The following CSMD1 variants were observed in gnomAD, a reference collection of about 807,000 sequenced individuals.
The protein encoded by CSMD1 is CUB and Sushi multiple domains 1, also known as CUB and sushi domain-containing protein 1.
A neutral mutation model predicts 417.5 loss-of-function variants in CSMD1; 213 were observed. The observed-to-expected ratio is 0.51, with a 90% confidence interval of 0.46 to 0.57. The LOEUF (loss-of-function observed/expected upper bound fraction) is 0.57. CSMD1 is among the 20% of genes least tolerant of loss of function. The probability of loss-of-function intolerance (pLI) is 0.00; values close to 1 mark genes in which losing one functional copy is unlikely to be tolerated. For missense variants in CSMD1, 6,923 were observed against 4,529.7 expected (o/e 1.53, Z -15.17); for synonymous variants, 2,862 against 1,736.8 (o/e 1.65, Z -16.11).
At chr8:3,610,326 A>T (rs1801829268) in intron 8 of CSMD1, among the ~76,000 whole-genome samples, 1 of 152,154 alleles carries the variant, frequency 6.6e-6, no homozygotes, top group African/African-American at 2.4e-5. Flanking sequence ...TGAGGCCAGG[A>T]GTTAGAAACC....
chr8:4,146,333 G>A (rs939684946), intron 3 of CSMD1, among the ~76,000 whole-genome samples: 1 of 150,776 alleles, frequency 6.6e-6, no homozygotes, highest in African/African-American at 2.5e-5. Context: ...TCCAAAGCAG[G>A]TGGATTCATT....
At chr8:4,766,547 A>G (rs764909684) in intron 1 of CSMD1, among the ~76,000 whole-genome samples, 3 of 152,232 alleles carry the variant, frequency 2.0e-5, no homozygotes, top group Non-Finnish European at 4.4e-5. Flanking sequence ...AGGATAATTG[A>G]GAAATATGCT....
chr8:3,659,595 G>A (rs1486870346), intron 7 of CSMD1, among the ~76,000 whole-genome samples: 1 of 152,062 alleles, frequency 6.6e-6, no homozygotes, highest in Non-Finnish European at 1.5e-5. Context: ...ACTGTGAATT[G>A]GTCCCTTTGG....
intron 3 of CSMD1, among the ~76,000 whole-genome samples, chr8:4,255,761 T>C (rs145265736): frequency 5.9e-5 from 9 of 152,320 alleles, no homozygotes; most frequent in East Asian, 1.9e-4. Context: ...AGTTCTAAAA[T>C]TAATATATGT....
intron 3 of CSMD1, among the ~76,000 whole-genome samples, chr8:4,095,759 C>A (rs879903878): frequency 6.6e-6 from 1 of 152,096 alleles, no homozygotes; most frequent in Non-Finnish European, 1.5e-5. Context: ...TCTACATAGT[C>A]CTATTACGTG....
intron 12 of CSMD1, among the ~76,000 whole-genome samples, chr8:3,451,103 T>C (rs1268850107): frequency 6.6e-6 from 1 of 152,240 alleles, no homozygotes; most frequent in Non-Finnish European, 1.5e-5. Flanking sequence ...TTTGGCTGCA[T>C]AAATGTCTTC....
chr8:4,342,316 T>C (rs575367244), intron 3 of CSMD1, among the ~76,000 whole-genome samples: 1 of 152,200 alleles, frequency 6.6e-6, no homozygotes, highest in South Asian at 2.1e-4. Flanking sequence ...GTGCAATGTA[T>C]GTAAAACATA....
intron 2 of CSMD1, among the ~76,000 whole-genome samples, chr8:4,524,707 C>G (rs1258869828): frequency 6.6e-6 from 1 of 151,084 alleles, no homozygotes; most frequent in African/African-American, 2.4e-5. Flanking sequence ...GTTTTTAAAA[C>G]CAAATCTGAT....
At chr8:4,278,680 T>C (rs928316635) in intron 3 of CSMD1, among the ~76,000 whole-genome samples, 1 of 152,192 alleles carries the variant, frequency 6.6e-6, no homozygotes, top group South Asian at 2.1e-4. Context: ...CCGAACAGTC[T>C]ATAGCCACTT....
intron 20 of CSMD1, 26 bp downstream of exon 20, chr8:3,367,006 A>G (rs1399990812): frequency 2.6e-6 from 4 of 1,563,520 alleles, no homozygotes; most frequent in Non-Finnish European, 3.5e-6. Context: ...GCCAGAGGAG[A>G]GAAACAGCAA....
chr8:3,323,831 T>C (rs1806314478), intron 23 of CSMD1, among the ~76,000 whole-genome samples: 1 of 149,584 alleles, frequency 6.7e-6, no homozygotes, highest in Non-Finnish European at 1.5e-5. Flanking sequence ...ACCCCACCAT[T>C]CATCATTGTT....
At chr8:4,248,065 A>T (rs1387848114) in intron 3 of CSMD1, among the ~76,000 whole-genome samples, 1 of 152,170 alleles carries the variant, frequency 6.6e-6, no homozygotes, top group East Asian at 1.9e-4. Context: ...ATGAATGGAA[A>T]TTGTTAAGGA....
At chr8:4,731,842 G>A (rs1414537743) in intron 1 of CSMD1, among the ~76,000 whole-genome samples, 2 of 152,088 alleles carry the variant, frequency 1.3e-5, no homozygotes, top group Non-Finnish European at 2.9e-5. Context: ...TGTGTATATT[G>A]TCTTCTCACA....
chr8:4,636,687 G>C (rs1585370130), intron 2 of CSMD1, among the ~76,000 whole-genome samples: 2 of 152,314 alleles, frequency 1.3e-5, no homozygotes, highest in East Asian at 3.9e-4. Flanking sequence ...CAAAGTCAGT[G>C]ATAACTTTCA....
chr8:3,097,451 T>C (rs147787897), intron 46 of CSMD1, among the ~76,000 whole-genome samples: 116 of 128,026 alleles, frequency 9.1e-4, no homozygotes, highest in African/African-American at 2.5e-3. Context: ...GCTTTAAATA[T>C]ACAGTAGGCC....
At chr8:4,400,294 A>C (rs984304204) in intron 3 of CSMD1, among the ~76,000 whole-genome samples, 2 of 152,200 alleles carry the variant, frequency 1.3e-5, no homozygotes, top group Non-Finnish European at 2.9e-5. Flanking sequence ...ATACTAGCAA[A>C]TGGGATTTCG....
intron 3 of CSMD1, among the ~76,000 whole-genome samples, chr8:4,228,547 C>G (rs1013232344): frequency 6.7e-6 from 1 of 150,226 alleles, no homozygotes; most frequent in East Asian, 2.0e-4. Flanking sequence ...AACCCACTGG[C>G]TGTACTTTTA....
chr8:2,936,181 T>C lies in CSMD1; in HGVS notation c.*2404A>G, dbSNP rs1289188437. 3 of 152,024 alleles carry C rather than the reference T, an allele frequency of 2.0e-5. No homozygotes were observed. The highest frequency in any genetic ancestry group is 4.8e-5 in the African/African-American group (2 of 41,344). 9.4% of individuals were successfully genotyped at this position (152,024 alleles called of 1,614,324 possible). ...TGGCAACCCTAGGACAGTTTGACTT[T>C]GCACACAAAGGAAAATCATATCTAA... On this transcript the variant is annotated 3_prime_UTR_variant, in exon 70 of 70. Coordinates refer to ENST00000635120, the MANE Select transcript of CSMD1 (RefSeq NM_033225.6).
intron 10 of CSMD1, among the ~76,000 whole-genome samples, chr8:3,523,616 CACAT>C (rs1797607661): frequency 6.6e-6 from 1 of 152,202 alleles, no homozygotes; most frequent in East Asian, 1.9e-4. Context: ...TGTACACACA[CACAT>C]GCATGCACAC....
Sources: gnomAD v4.1 joint callset for allele counts (sites outside exome capture counted in the v4.1 genomes callset) on GRCh38, gnomAD v4.1.1 for gene constraint, MANE v1.5 for transcripts, NCBI Gene and HGNC (gene_info 2026-07-23, HGNC 2026-07-21) for gene names.